The following MAMLD1 variants were observed in gnomAD, a reference collection of about 807,000 sequenced individuals.
The protein encoded by MAMLD1 is mastermind-like domain-containing protein 1.
In MAMLD1, 14 loss-of-function variants were observed where a neutral mutation model predicts 45.0. That is an observed-to-expected ratio of 0.31 (90% CI 0.21 to 0.49). The LOEUF (loss-of-function observed/expected upper bound fraction) is 0.49, where lower values mean the gene tolerates loss of function less well. Ranked by LOEUF, MAMLD1 falls within the 20% of genes least tolerant of loss-of-function variation. The pLI is 0.99. For synonymous variants in MAMLD1, 254 were observed against 247.8 expected (o/e 1.02, Z -0.24); for missense variants, 543 against 603.6 (o/e 0.90, Z 1.05).
At chrX:150,443,950 C>A (rs1334112581) in intron 1 of MAMLD1, among the ~76,000 whole-genome samples, 1 of 112,405 alleles carries the variant, frequency 8.9e-6, no homozygotes, top group African/African-American at 3.2e-5. Context: ...CTGACAAGTG[C>A]TTTGCTACTG....
chrX:150,454,536 C>G (rs191289590), intron 2 of MAMLD1, among the ~76,000 whole-genome samples: 6 of 111,906 alleles, frequency 5.4e-5, no homozygotes, highest in African/African-American at 1.9e-4. Context: ...TTCAGTTTTC[C>G]AGGTAAGAAA....
At position 150,388,471 on chromosome X, in the gene MAMLD1, C is replaced by T. The variant is rs192106633; in HGVS notation, c.-64+24941C>T. On this transcript the variant is annotated intron_variant, in intron 1 of 7. Coordinates refer to ENST00000370401, the MANE Select transcript of MAMLD1 (RefSeq NM_005491.5). ...TGTTTAATAAAATTCTCCAATGAAG[C>T]CATCTAGGTCTGGAGATTTTTGGAG... Among the ~76,000 whole-genome samples, 5 of 111,802 alleles carry T rather than the reference C, an allele frequency of 4.5e-5. No individual in the cohort carries two copies. In the East Asian group the frequency reaches 1.4e-3, roughly 31 times the overall value.
chrX:150,440,695 C>T (rs902342886), intron 1 of MAMLD1, among the ~76,000 whole-genome samples: 2 of 108,527 alleles, frequency 1.8e-5, no homozygotes, highest in Admixed American at 2.0e-4. Flanking sequence ...GTAACATCTC[C>T]CTTTTCAATC....
chrX:150,449,134 T>G (rs1038468356), intron 2 of MAMLD1, among the ~76,000 whole-genome samples: 5 of 110,452 alleles, frequency 4.5e-5, no homozygotes, highest in Non-Finnish European at 7.6e-5. Flanking sequence ...TTGGGCAGGG[T>G]GGGGGGATTA....
At chrX:150,484,171 ACTGG>A (rs1557407484) in intron 5 of MAMLD1, among the ~76,000 whole-genome samples, 5 of 112,478 alleles carry the variant, frequency 4.4e-5, no homozygotes, top group Non-Finnish European at 9.4e-5. Flanking sequence ...AGCTCCCACT[ACTGG>A]TTTAAACCAA....
At chrX:150,419,082 TG>T (rs1407163334) in intron 1 of MAMLD1, among the ~76,000 whole-genome samples, 1 of 76,606 alleles carries the variant, frequency 1.3e-5, no homozygotes, top group Non-Finnish European at 2.5e-5. Flanking sequence ...TAAGTCTCTT[TG>T]TAGGTCACTC....
upstream of MAMLD1, chrX:150,362,951 T>C (rs372937453): frequency 7.1e-5 from 8 of 113,047 alleles, no homozygotes; most frequent in East Asian, 2.0e-3. Flanking sequence ...TCGAGCCGAC[T>C]GGAGAAATGA....
intron 1 of MAMLD1, among the ~76,000 whole-genome samples, chrX:150,408,420 T>G (rs2034048383): frequency 8.9e-6 from 1 of 112,072 alleles, no homozygotes; most frequent in South Asian, 3.7e-4. Flanking sequence ...TGACAATTAC[T>G]TCCATTTCAT....
intron 1 of MAMLD1, among the ~76,000 whole-genome samples, chrX:150,374,235 C>G (rs1325126079): frequency 8.9e-6 from 1 of 112,727 alleles, no homozygotes; most frequent in South Asian, 3.6e-4. Context: ...ATGGTTCTCT[C>G]GAGGATCTTT....
rs782103210 is a variant in MAMLD1 at position 150,514,051 on chromosome X, TC to T, written c.*2094del. 1 of 285,878 alleles carries T rather than the reference TC, an allele frequency of 3.5e-6. No homozygotes were observed. Among genetic ancestry groups the T allele is most frequent in the Non-Finnish European group, 6.1e-6 (1 of 163,053 alleles). 23.6% of individuals were successfully genotyped at this position (285,878 alleles called of 1,213,427 possible). On this transcript the variant is annotated 3_prime_UTR_variant, in exon 8 of 8. Transcript: ENST00000370401. ...ACTGTCCTGTAAACTTTTCTCAGTG[TC>T]CAGACTTTCTGTAATCACATTTTAA...
In MAMLD1 at chrX:150,513,123, A is replaced by G. The variant is rs1557409329; in HGVS notation, c.*1164A>G. On this transcript the variant is annotated 3_prime_UTR_variant, in exon 8 of 8. Transcript: ENST00000370401. ...CCCCCATGGTGACATCACTCTAGGA[A>G]GTGGTGTCGATCCATACCCGCAGTT... The G allele has an allele frequency of 1.9e-6, 2 of 1,045,016 alleles. No homozygotes were observed. The highest frequency in any genetic ancestry group is 5.7e-5 in the Admixed American group (2 of 35,341). 86.1% of individuals were successfully genotyped at this position (1,045,016 alleles called of 1,213,427 possible).
chrX:150,424,337 G>C (rs150566481), intron 1 of MAMLD1, among the ~76,000 whole-genome samples: 3,851 of 112,227 alleles, frequency 0.034, 172 homozygotes, highest in African/African-American at 0.12. Flanking sequence ...AGATGAGAGG[G>C]GGGCATTTTT....
At chrX:150,424,184 T>C (rs782387870) in intron 1 of MAMLD1, among the ~76,000 whole-genome samples, 1 of 112,544 alleles carries the variant, frequency 8.9e-6, no homozygotes, top group Non-Finnish European at 1.9e-5. Context: ...TTGCCCTCAA[T>C]TGGCTTATTG....
chrX:150,365,286 G>A (rs979954400), intron 1 of MAMLD1, among the ~76,000 whole-genome samples: 13 of 112,058 alleles, frequency 1.2e-4, no homozygotes, highest in African/African-American at 3.6e-4. Context: ...GGGGGAGGGG[G>A]CTGTGTTTCG....
chrX:150,396,133 C>G (rs782669449), intron 1 of MAMLD1, among the ~76,000 whole-genome samples: 3 of 103,693 alleles, frequency 2.9e-5, no homozygotes, highest in African/African-American at 1.1e-4. Flanking sequence ...CAGGCATGCA[C>G]CACCATACCT....
intron 1 of MAMLD1, among the ~76,000 whole-genome samples, chrX:150,370,365 G>C (rs782722344): frequency 8.9e-6 from 1 of 111,881 alleles, no homozygotes; most frequent in East Asian, 2.8e-4. Flanking sequence ...TCATAAATCC[G>C]AATGAACCTG....
chrX:150,430,528 G>A (rs1373713669), intron 1 of MAMLD1, among the ~76,000 whole-genome samples: 3 of 111,325 alleles, frequency 2.7e-5, no homozygotes. Context: ...TTGGTGTCAC[G>A]TCTAAGAAAG....
chrX:150,500,793 G>T (rs2037527155), intron 5 of MAMLD1, among the ~76,000 whole-genome samples: 1 of 69,769 alleles, frequency 1.4e-5, no homozygotes, highest in Non-Finnish European at 2.9e-5. Flanking sequence ...TAGAGTGTGT[G>T]ATAAGCAGTT....
intron 1 of MAMLD1, among the ~76,000 whole-genome samples, chrX:150,365,078 T>G (rs2031307223): frequency 9.1e-6 from 1 of 109,483 alleles, no homozygotes; most frequent in African/African-American, 3.3e-5. Context: ...CCCTCCCACC[T>G]CTTCTTGTCT....
Sources: allele counts gnomAD v4.1 joint callset (sites outside exome capture counted in the v4.1 genomes callset), GRCh38; gene constraint gnomAD v4.1.1; transcripts MANE v1.5; gene names NCBI Gene and HGNC (gene_info 2026-07-23, HGNC 2026-07-21).